Variants in SYT16 observed in about 807,000 individuals in gnomAD.
SYT16 encodes synaptotagmin-16.
Under a neutral mutation model 61.4 loss-of-function variants are expected in SYT16, and 42 were observed. The ratio of observed to expected loss-of-function variants is 0.68; its 90% CI spans 0.53 to 0.89. SYT16 has a LOEUF of 0.89. SYT16 is among the 40% of genes least tolerant of loss of function. SYT16 has a pLI of 0.00. For synonymous variants in SYT16, 314 were observed against 302.3 expected, an observed-to-expected ratio of 1.04 and a Z score of -0.40; for missense variants, 804 against 807.3, an observed-to-expected ratio of 1.00 and a Z score of 0.05.
intron 1 of SYT16, among the ~76,000 whole-genome samples, chr14:61,833,650 C>G (rs377166978): frequency 3.4e-5 from 5 of 147,208 alleles, no homozygotes; most frequent in South Asian, 4.2e-4. Flanking sequence ...GAACTCCTGA[C>G]CTTGTGATCC....
At chr14:62,086,530 A>T (rs895526868) in intron 7 of SYT16, among the ~76,000 whole-genome samples, 6 of 152,198 alleles carry the variant, frequency 3.9e-5, no homozygotes, top group Non-Finnish European at 7.3e-5. Flanking sequence ...TTGTGTTATG[A>T]AACTGTTCAG....
At chr14:61,998,232 C>T (rs920455106) in intron 3 of SYT16, among the ~76,000 whole-genome samples, 1 of 151,852 alleles carries the variant, frequency 6.6e-6, no homozygotes, top group Admixed American at 6.6e-5. Context: ...TAATAAAATT[C>T]ATCCTTAGTG....
intron 1 of SYT16, among the ~76,000 whole-genome samples, chr14:61,927,880 G>C (rs1467151106): frequency 6.6e-6 from 1 of 152,144 alleles, no homozygotes; most frequent in Non-Finnish European, 1.5e-5. Flanking sequence ...TTTCCAGGAA[G>C]TACTAGGTAG....
intron 1 of SYT16, among the ~76,000 whole-genome samples, chr14:61,907,071 A>C (rs1315754408): frequency 6.6e-6 from 1 of 152,266 alleles, no homozygotes; most frequent in Non-Finnish European, 1.5e-5. Flanking sequence ...GGCAGAGACA[A>C]GCTCCCTTTG....
chr14:62,034,280 G>A (rs995740339), intron 3 of SYT16, among the ~76,000 whole-genome samples: 1 of 152,072 alleles, frequency 6.6e-6, no homozygotes, highest in Non-Finnish European at 1.5e-5. Flanking sequence ...AGCCCCTTTG[G>A]AAAATAGTAT....
In SYT16 at chr14:61,996,286, T is replaced by A. The variant is rs1474043125; in HGVS notation, c.267T>A (p.Asp89Glu). Residue 89 changes from aspartate (D) to glutamate (E), a missense_variant, in exon 3 of 8, where the codon GAT becomes GAA. Transcript: ENST00000683842. ...EDANSLFLEVDHFSCCNSDLQ... is the reference protein window; with the variant it reads ...EDANSLFLEVEHFSCCNSDLQ... ...CAAATTCCTTGTTTCTTGAAGTGGA[T>A]CATTTCTCATGTTGTAATAGTGATT... 105 of 1,613,620 alleles carry A rather than the reference T, an allele frequency of 6.5e-5. No homozygotes were observed. Among genetic ancestry groups the A allele is most frequent in the Non-Finnish European group, 8.6e-5 (102 of 1,179,660 alleles).
chr14:61,928,064 A>C (rs933578153), intron 1 of SYT16, among the ~76,000 whole-genome samples: 1 of 152,218 alleles, frequency 6.6e-6, no homozygotes, highest in Non-Finnish European at 1.5e-5. Context: ...GAACTGTAAT[A>C]GGTGTAAGTT....
chr14:61,891,287 C>G (rs140613011), intron 1 of SYT16, among the ~76,000 whole-genome samples: 180 of 151,512 alleles, frequency 1.2e-3, no homozygotes, highest in Admixed American at 2.4e-3. Flanking sequence ...ATCCATCTCT[C>G]TCTTGCTTTT....
At chr14:61,960,435 T>C (rs2051070737) in intron 1 of SYT16, among the ~76,000 whole-genome samples, 1 of 152,160 alleles carries the variant, frequency 6.6e-6, no homozygotes, top group African/African-American at 2.4e-5. Context: ...TTAGCTGTAT[T>C]CTGAGGTATT....
chr14:62,109,479 T>C lies in SYT16; in HGVS notation c.*8772T>C, dbSNP rs566923822. 3.3e-4 allele frequency: 50 copies of C among 152,302 alleles called. No individual in the cohort carries two copies. The highest frequency in any genetic ancestry group is 1.2e-3 in the African/African-American group (48 of 41,584). The allele number at this position is 152,302 out of a possible 1,614,324, so 9.4% of individuals were successfully genotyped here. ...TAAAGTGCGTGCTCTCAGGAAAAGC[T>C]GCATATATTTTATATGATCCATCAA... is the stretch of plus-strand genomic sequence containing the variant. On this transcript the variant is annotated 3_prime_UTR_variant, in exon 8 of 8. Coordinates refer to ENST00000683842, the MANE Select transcript of SYT16 (RefSeq NM_001367656.1).
intron 3 of SYT16, among the ~76,000 whole-genome samples, chr14:62,037,192 CTT>C (rs5809138): frequency 6.6e-6 from 1 of 150,800 alleles, no homozygotes; most frequent in South Asian, 2.1e-4. Context: ...GAAGCATGAG[CTT>C]TTTTTTTTAC....
chr14:61,863,931 G>A (rs1430623930), intron 1 of SYT16, among the ~76,000 whole-genome samples: 1 of 152,070 alleles, frequency 6.6e-6, no homozygotes, highest in Non-Finnish European at 1.5e-5. Context: ...GTATGTATGT[G>A]GGTCTAATTC....
At chr14:62,084,147 G>C (rs748117456) in intron 6 of SYT16, 49 bp from the exon 7 acceptor site, 1 of 1,573,954 alleles carries the variant, frequency 6.4e-7, no homozygotes, top group Admixed American at 2.0e-5. Flanking sequence ...CTCTAAAAGA[G>C]AGTAGTGCAG....
chr14:61,880,609 C>A (rs552193441), intron 1 of SYT16, among the ~76,000 whole-genome samples: 2 of 152,052 alleles, frequency 1.3e-5, no homozygotes, highest in Non-Finnish European at 2.9e-5. Context: ...ACATATATTG[C>A]TCTATTTAGT....
intron 3 of SYT16, among the ~76,000 whole-genome samples, chr14:62,051,702 G>T (rs184900471): frequency 1.3e-5 from 2 of 152,288 alleles, no homozygotes; most frequent in Admixed American, 6.5e-5. Flanking sequence ...TGTATGTATA[G>T]TCTTATATCT....
chr14:61,832,606 T>G (rs1448293299), intron 1 of SYT16, among the ~76,000 whole-genome samples: 2 of 151,998 alleles, frequency 1.3e-5, no homozygotes, highest in East Asian at 3.9e-4. Flanking sequence ...CTGGCTAATT[T>G]TTTGTATTTT....
At position 62,075,247 on chromosome 14, in the gene SYT16, C is replaced by A. The variant is rs183139358; in HGVS notation, c.849C>A (p.His283Gln). The change falls in exon 5 of 8, where the codon CAC becomes CAA. Residue 283 changes from histidine to glutamine, a missense_variant. By Grantham distance (24) the His-to-Gln change is conservative. Coordinates refer to ENST00000683842, the MANE Select transcript of SYT16 (RefSeq NM_001367656.1). ...SPCERGDAKH[H>Q]GTSHQESSVV... ...GTGAAAGAGGGGATGCCAAACACCA[C>A]GGCACATCTCACCAAGAGTCCAGTG... 1.9e-6 allele frequency: 3 copies of A among 1,613,828 alleles called. No homozygotes were observed. Among genetic ancestry groups the A allele is most frequent in the Non-Finnish European group, 8.5e-7 (1 of 1,179,846 alleles).
rs1014906210 is a variant in SYT16, at chr14:62,109,689, C to T, written c.*8982C>T. 1 of 152,048 alleles carries T rather than the reference C, an allele frequency of 6.6e-6. No homozygotes were observed. The highest frequency in any genetic ancestry group is 1.5e-5 in the Non-Finnish European group (1 of 68,006). 9.4% of individuals were successfully genotyped at this position (152,048 alleles called of 1,614,324 possible). On this transcript the variant is annotated 3_prime_UTR_variant, in exon 8 of 8. Transcript: ENST00000683842. ...TCTGAAGGTTATGAAGACGTGATCC[C>T]AAATTTAGTGACTCTGTAGTGTCTT...
intron 2 of SYT16, among the ~76,000 whole-genome samples, chr14:61,995,045 GAT>G (rs2140625595): frequency 6.6e-6 from 1 of 152,204 alleles, no homozygotes; most frequent in East Asian, 1.9e-4. Context: ...ATAGCAATAA[GAT>G]ATATACACAC....
Sources: gnomAD v4.1 joint callset for allele counts (sites outside exome capture counted in the v4.1 genomes callset) on GRCh38, gnomAD v4.1.1 for gene constraint, MANE v1.5 for transcripts, NCBI Gene and HGNC (gene_info 2026-07-23, HGNC 2026-07-21) for gene names.